Variants in UGT1A8 observed in about 807,000 individuals in gnomAD.
UGT1A8 encodes UDP glucuronosyltransferase family 1 member A8, also known as UDP-glucuronosyltransferase 1A8.
In UGT1A8, 39 loss-of-function variants were observed where a neutral mutation model predicts 45.3. That is an observed-to-expected ratio of 0.86 (90% confidence interval 0.67 to 1.12). The LOEUF (loss-of-function observed/expected upper bound fraction) is 1.12, where lower values mean the gene tolerates loss of function less well. Ranked by LOEUF, UGT1A8 falls within the 50% of genes most tolerant of loss-of-function variation. UGT1A8 has a pLI of 0.00. For synonymous variants in UGT1A8, 275 were observed against 249.2 expected, an observed-to-expected ratio of 1.10 and a Z score of -0.97; for missense variants, 719 against 664.9, an observed-to-expected ratio of 1.08 and a Z score of -0.90.
intron 1 of UGT1A8, chr2:233,730,084 A>T: frequency 6.2e-7 from 1 of 1,601,106 alleles, no homozygotes. Flanking sequence ...ATATTTACTT[A>T]TCTTTCCAAA....
At chr2:233,698,596 C>T (rs957890860) in intron 1 of UGT1A8, among the ~76,000 whole-genome samples, 9 of 152,076 alleles carry the variant, frequency 5.9e-5, no homozygotes, top group Admixed American at 2.6e-4. Context: ...CCAAGAAATT[C>T]GGATTAATAA....
intron 1 of UGT1A8, among the ~76,000 whole-genome samples, chr2:233,697,012 G>A (rs2075370161): frequency 6.6e-6 from 1 of 151,886 alleles, no homozygotes; most frequent in African/African-American, 2.4e-5. Context: ...ATCTATGTTC[G>A]TCAGAGATAT....
chr2:233,643,666 T>G (rs1168700156), intron 1 of UGT1A8, among the ~76,000 whole-genome samples: 2 of 152,166 alleles, frequency 1.3e-5, no homozygotes, highest in Non-Finnish European at 2.9e-5. Flanking sequence ...GAATCTCACC[T>G]AGAGCCAGTA....
At chr2:233,718,732 G>T (rs2076679181) in intron 1 of UGT1A8, 8 of 1,611,122 alleles carry the variant, frequency 5.0e-6, no homozygotes, top group Non-Finnish European at 5.9e-6. Flanking sequence ...TTGCTAGGTG[G>T]CTCAATGACA....
At position 233,734,617 on chromosome 2, in the gene UGT1A8, T is replaced by G. The variant is rs143652933; in HGVS notation, c.856-32417T>G. On this transcript the variant is annotated intron_variant, in intron 1 of 4. Coordinates refer to ENST00000373450, the MANE Select transcript of UGT1A8 (RefSeq NM_019076.5). ...TTATTTGTGATGTTAGTGTGTTGATTTTAGATCTTTCCTGCTTTCTCCTGT... is the reference window on the plus strand; with the variant it reads ...TTATTTGTGATGTTAGTGTGTTGATGTTAGATCTTTCCTGCTTTCTCCTGT... 1.1e-4 allele frequency among the ~76,000 whole-genome samples: 16 copies of G among 152,330 alleles called. No individual in the cohort carries two copies. The East Asian group carries it at 1.3e-3, about 13-fold the overall frequency.
At chr2:233,739,657 C>G (rs772609637) in intron 1 of UGT1A8, among the ~76,000 whole-genome samples, 2 of 152,202 alleles carry the variant, frequency 1.3e-5, no homozygotes, top group Non-Finnish European at 2.9e-5. Flanking sequence ...TTCTGTACCC[C>G]CATTGTGTCT....
At chr2:233,685,670 G>A (rs944188432) in intron 1 of UGT1A8, among the ~76,000 whole-genome samples, 3 of 152,154 alleles carry the variant, frequency 2.0e-5, no homozygotes, top group Non-Finnish European at 4.4e-5. Flanking sequence ...GGCATAATGT[G>A]TACCCATATA....
At chr2:233,722,148 A>T (rs2076994067) in intron 1 of UGT1A8, 1 of 162,512 alleles carries the variant, frequency 6.2e-6, no homozygotes, top group Non-Finnish European at 1.3e-5. Flanking sequence ...CTCCTGCAGG[A>T]CAAGATGTGT....
chr2:233,633,177 A>G (rs2073222343), intron 1 of UGT1A8, among the ~76,000 whole-genome samples: 1 of 152,108 alleles, frequency 6.6e-6, no homozygotes, highest in Non-Finnish European at 1.5e-5. Context: ...ATCATGGTGG[A>G]TAAGCTTTTT....
rs565070382 is a variant in UGT1A8, at chr2:233,656,714, C to T, written c.855+38152C>T. Among the ~76,000 whole-genome samples, 5 of 152,174 alleles carry T rather than the reference C, an allele frequency of 3.3e-5. No homozygotes were observed. In the South Asian group the frequency reaches 6.2e-4, roughly 19 times the overall value. On this transcript the variant is annotated intron_variant, in intron 1 of 4. Coordinates refer to ENST00000373450, the MANE Select transcript of UGT1A8 (RefSeq NM_019076.5). ...ACAAAAGGGAGGGAGTGTGACGAGG[C>T]GTGTCCAGCCTTCTGTCCCGTCGTG...
intron 1 of UGT1A8, among the ~76,000 whole-genome samples, chr2:233,737,258 C>A (rs552536149): frequency 6.6e-6 from 1 of 152,360 alleles, no homozygotes; most frequent in Admixed American, 6.5e-5. Context: ...CAAGCCTCAG[C>A]AATGGCGGAC....
rs143254112 is a variant in UGT1A8 at position 233,713,145 on chromosome 2, C to T, written c.856-53889C>T. The T allele has an allele frequency of 2.8e-5, 45 of 1,614,224 alleles. No individual in the cohort carries two copies. In the African/African-American group the frequency reaches 5.5e-4, roughly 20 times the overall value. Reference sequence around the variant, plus strand: ...CATGCGGGAGGCCTTGCGGGACCTCCATGCGAGAGGCCACCAGGTGGTGGT... The same window carrying T: ...CATGCGGGAGGCCTTGCGGGACCTCTATGCGAGAGGCCACCAGGTGGTGGT... On this transcript the variant is annotated intron_variant, in intron 1 of 4. Coordinates refer to ENST00000373450, the MANE Select transcript of UGT1A8 (RefSeq NM_019076.5).
chr2:233,755,356 C>T, intron 1 of UGT1A8: 1 of 377,544 alleles, frequency 2.6e-6, no homozygotes, highest in Non-Finnish European at 4.9e-6. Context: ...GCTTGGCGAC[C>T]TGGGCCGCCT....
At chr2:233,683,807 T>C (rs149937517) in intron 1 of UGT1A8, among the ~76,000 whole-genome samples, 1 of 152,342 alleles carries the variant, frequency 6.6e-6, no homozygotes, top group Non-Finnish European at 1.5e-5. Flanking sequence ...TATGTAGTCA[T>C]ATTACTAAAC....
chr2:233,623,733 C>G (rs911046931), intron 1 of UGT1A8, among the ~76,000 whole-genome samples: 1 of 152,092 alleles, frequency 6.6e-6, no homozygotes, highest in Admixed American at 6.6e-5. Context: ...CAGAAATAAA[C>G]CCATACGTTC....
intron 1 of UGT1A8, among the ~76,000 whole-genome samples, chr2:233,731,766 G>A (rs2078201810): frequency 2.0e-5 from 3 of 152,172 alleles, no homozygotes; most frequent in African/African-American, 7.2e-5. Flanking sequence ...TGTCCTTAGA[G>A]TAGTATCATT....
intron 1 of UGT1A8, among the ~76,000 whole-genome samples, chr2:233,695,692 A>G (rs972852421): frequency 1.3e-5 from 2 of 151,974 alleles, no homozygotes; most frequent in African/African-American, 4.8e-5. Flanking sequence ...CTGTGCCTAG[A>G]TTATTTCACC....
chr2:233,711,499 C>A (rs1243833483), intron 1 of UGT1A8, among the ~76,000 whole-genome samples: 1 of 152,112 alleles, frequency 6.6e-6, no homozygotes, highest in Admixed American at 6.5e-5. Flanking sequence ...GCTGAGAATC[C>A]CTTTCTAGCG....
chr2:233,642,739 C>A (rs903545249), intron 1 of UGT1A8, among the ~76,000 whole-genome samples: 2 of 152,214 alleles, frequency 1.3e-5, no homozygotes. Flanking sequence ...CACCCCAAGC[C>A]TAGTAACGCT....
Sources: gnomAD v4.1 joint callset for allele counts (sites outside exome capture counted in the v4.1 genomes callset) on GRCh38, gnomAD v4.1.1 for gene constraint, MANE v1.5 for transcripts, NCBI Gene and HGNC (gene_info 2026-07-23, HGNC 2026-07-21) for gene names.